The following NRXN1 variants were observed in gnomAD, a reference collection of about 807,000 sequenced individuals.
The protein encoded by NRXN1 is neurexin-1.
A neutral mutation model predicts 150.9 loss-of-function variants in NRXN1; 39 were observed. That is an observed-to-expected ratio of 0.26 (90% CI 0.20 to 0.34). NRXN1 has a LOEUF of 0.34. Ranked by LOEUF, NRXN1 falls within the 10% of genes least tolerant of loss-of-function variation. The probability of loss-of-function intolerance (pLI) is 1.00; values close to 1 mark genes in which losing one functional copy is unlikely to be tolerated. For synonymous variants in NRXN1, 924 were observed against 757.0 expected (o/e 1.22, Z -3.62); for missense variants, 1,815 against 1,949.9 (o/e 0.93, Z 1.30).
chr2:50,908,640 GA>G (rs150477381), intron 5 of NRXN1, among the ~76,000 whole-genome samples: 13,174 of 152,020 alleles, frequency 0.087, 648 homozygotes, highest in South Asian at 0.12. Flanking sequence ...ATATGGAAGA[GA>G]AAAAATCTGA....
At chr2:50,785,056 T>C (rs143766248) in intron 5 of NRXN1, among the ~76,000 whole-genome samples, 1 of 152,126 alleles carries the variant, frequency 6.6e-6, no homozygotes, top group Non-Finnish European at 1.5e-5. Flanking sequence ...TCCCACAGAA[T>C]GTGCCTTTCC....
chr2:50,316,913 C>A (rs2075653786), intron 17 of NRXN1, among the ~76,000 whole-genome samples: 1 of 151,844 alleles, frequency 6.6e-6, no homozygotes, highest in Admixed American at 6.6e-5. Context: ...TTTTAGGTAA[C>A]TTTTTTATGT....
intron 8 of NRXN1, among the ~76,000 whole-genome samples, chr2:50,577,384 T>A (rs1157265846): frequency 6.6e-6 from 1 of 151,876 alleles, no homozygotes; most frequent in East Asian, 1.9e-4. Flanking sequence ...AAAACAAAGA[T>A]TACTGGCAAA....
intron 19 of NRXN1, among the ~76,000 whole-genome samples, chr2:50,066,804 G>A (rs1290380883): frequency 6.6e-6 from 1 of 152,146 alleles, no homozygotes; most frequent in Non-Finnish European, 1.5e-5. Flanking sequence ...TGTTAGGATG[G>A]AGAAATTAAT....
chr2:50,987,198 C>T (rs532542099), intron 2 of NRXN1, among the ~76,000 whole-genome samples: 5 of 151,948 alleles, frequency 3.3e-5, no homozygotes, highest in East Asian at 3.9e-4. Flanking sequence ...ATGTTGACTA[C>T]TTATTAGTAA....
intron 8 of NRXN1, among the ~76,000 whole-genome samples, chr2:50,584,890 C>T (rs1429017317): frequency 3.3e-5 from 5 of 152,064 alleles, no homozygotes; most frequent in Non-Finnish European, 7.4e-5. Flanking sequence ...AAATGTATCC[C>T]ATACACAAAA....
At chr2:50,712,601 C>G in intron 5 of NRXN1, among the ~76,000 whole-genome samples, 1 of 152,158 alleles carries the variant, frequency 6.6e-6, no homozygotes, top group East Asian at 1.9e-4. Context: ...TAATAGATCA[C>G]ACAAAATAGA....
At chr2:50,271,108 A>G (rs2069558842) in intron 17 of NRXN1, among the ~76,000 whole-genome samples, 1 of 152,208 alleles carries the variant, frequency 6.6e-6, no homozygotes, top group South Asian at 2.1e-4. Context: ...CTCATAAGTA[A>G]TATAGTAAAG....
chr2:50,340,143 C>A (rs184625398), intron 17 of NRXN1, among the ~76,000 whole-genome samples: 6 of 152,206 alleles, frequency 3.9e-5, no homozygotes, highest in African/African-American at 1.4e-4. Context: ...ATAAGCCCTG[C>A]CGTGGTTGTG....
At chr2:50,978,866 A>C (rs1696335351) in intron 2 of NRXN1, among the ~76,000 whole-genome samples, 1 of 152,126 alleles carries the variant, frequency 6.6e-6, no homozygotes, top group Admixed American at 6.6e-5. Context: ...GACTATAAGT[A>C]ATGCTCTGTG....
At chr2:50,973,520 C>A (rs941820954) in intron 2 of NRXN1, among the ~76,000 whole-genome samples, 1 of 152,038 alleles carries the variant, frequency 6.6e-6, no homozygotes, top group African/African-American at 2.4e-5. Flanking sequence ...TTATCTGATT[C>A]GGGAGTCATT....
intron 17 of NRXN1, among the ~76,000 whole-genome samples, chr2:50,393,199 T>G (rs2081851543): frequency 6.6e-6 from 1 of 152,072 alleles, no homozygotes; most frequent in Non-Finnish European, 1.5e-5. Flanking sequence ...ATATGTATAC[T>G]GGATGTTTTC....
intron 18 of NRXN1, among the ~76,000 whole-genome samples, chr2:50,153,438 G>A (rs1381274021): frequency 6.6e-6 from 1 of 150,972 alleles, no homozygotes; most frequent in Non-Finnish European, 1.5e-5. Context: ...TAATGATATG[G>A]CAACTCTGGA....
At chr2:50,466,354 C>A in intron 16 of NRXN1, 1 of 350,316 alleles carries the variant, frequency 2.9e-6, no homozygotes, top group South Asian at 1.9e-5. Flanking sequence ...AGAATGAAAT[C>A]TGAACCCAAA....
At chr2:50,017,113 C>T (rs1686771744) in intron 21 of NRXN1, among the ~76,000 whole-genome samples, 1 of 152,116 alleles carries the variant, frequency 6.6e-6, no homozygotes, top group South Asian at 2.1e-4. Context: ...ATTTTATGCA[C>T]TATAATTGTG....
At chr2:50,824,367 G>A (rs749670180) in intron 5 of NRXN1, among the ~76,000 whole-genome samples, 2 of 151,510 alleles carry the variant, frequency 1.3e-5, no homozygotes, top group African/African-American at 2.4e-5. Context: ...GCTATTTATA[G>A]ATCTTAAATA....
At chr2:50,651,949 T>C (rs1290126386) in intron 5 of NRXN1, among the ~76,000 whole-genome samples, 1 of 152,062 alleles carries the variant, frequency 6.6e-6, no homozygotes, top group African/African-American at 2.4e-5. Flanking sequence ...CAGGTTATTG[T>C]AGGGTCTTAA....
intron 8 of NRXN1, among the ~76,000 whole-genome samples, chr2:50,589,865 G>T (rs1385363207): frequency 1.3e-5 from 2 of 152,190 alleles, no homozygotes; most frequent in East Asian, 1.9e-4. Flanking sequence ...TCTAACTATT[G>T]TCTGTTTCCT....
intron 17 of NRXN1, among the ~76,000 whole-genome samples, chr2:50,366,422 A>C (rs1255909926): frequency 6.6e-6 from 1 of 151,874 alleles, no homozygotes; most frequent in Non-Finnish European, 1.5e-5. Context: ...GGGGCTATCA[A>C]CTTAGACAGG....
Sources: allele counts gnomAD v4.1 joint callset (sites outside exome capture counted in the v4.1 genomes callset), GRCh38; gene constraint gnomAD v4.1.1; transcripts MANE v1.5; gene names NCBI Gene and HGNC (gene_info 2026-07-23, HGNC 2026-07-21).